Variants in ST6GALNAC3 observed in about 807,000 individuals in gnomAD.
ST6GALNAC3 encodes the protein ST6 N-acetylgalactosaminide alpha-2,6-sialyltransferase 3.
In ST6GALNAC3, 25 loss-of-function variants were observed where a neutral mutation model predicts 32.7. The ratio of observed to expected loss-of-function variants is 0.76; its 90% CI spans 0.56 to 1.07. The LOEUF (loss-of-function observed/expected upper bound fraction) is 1.07. Ranked by LOEUF, ST6GALNAC3 falls within the 50% of genes least tolerant of loss-of-function variation. The pLI is 0.00. For missense variants in ST6GALNAC3, 355 were observed against 382.4 expected (o/e 0.93, Z 0.60); for synonymous variants, 129 against 133.1 (o/e 0.97, Z 0.21).
chr1:76,564,742 C>A (rs974903714), intron 3 of ST6GALNAC3, among the ~76,000 whole-genome samples: 4 of 151,972 alleles, frequency 2.6e-5, no homozygotes, highest in Non-Finnish European at 5.9e-5. Flanking sequence ...CCCACCACCA[C>A]GCCTGGCTAA....
intron 3 of ST6GALNAC3, among the ~76,000 whole-genome samples, chr1:76,447,782 G>A (rs1232540604): frequency 6.6e-6 from 1 of 152,188 alleles, no homozygotes; most frequent in Non-Finnish European, 1.5e-5. Flanking sequence ...CGGGTGCACG[G>A]AACTCAAGAA....
intron 2 of ST6GALNAC3, among the ~76,000 whole-genome samples, chr1:76,322,180 T>A (rs1418610807): frequency 6.6e-6 from 1 of 152,084 alleles, no homozygotes; most frequent in Non-Finnish European, 1.5e-5. Context: ...GATTTGAGGG[T>A]TGAAAAAGAT....
At chr1:76,275,032 C>A (rs922515883) in intron 1 of ST6GALNAC3, among the ~76,000 whole-genome samples, 5 of 152,208 alleles carry the variant, frequency 3.3e-5, no homozygotes, top group Admixed American at 6.5e-5. Flanking sequence ...GACAGAGAAG[C>A]TGACTATGCT....
chr1:76,266,660 AT>A (rs1381808651), intron 1 of ST6GALNAC3, among the ~76,000 whole-genome samples: 1 of 152,198 alleles, frequency 6.6e-6, no homozygotes, highest in Non-Finnish European at 1.5e-5. Flanking sequence ...GCTAACTCCA[AT>A]TCTCATCTAC....
chr1:76,300,380 T>C (rs1191719893), intron 1 of ST6GALNAC3, among the ~76,000 whole-genome samples: 1 of 151,952 alleles, frequency 6.6e-6, no homozygotes, highest in African/African-American at 2.4e-5. Flanking sequence ...CTTTTTCTAG[T>C]GATACCAGCT....
intron 3 of ST6GALNAC3, among the ~76,000 whole-genome samples, chr1:76,614,218 T>A (rs1319142756): frequency 1.3e-5 from 2 of 152,216 alleles, no homozygotes; most frequent in Non-Finnish European, 2.9e-5. Flanking sequence ...GCAAGTCAGC[T>A]GTGTATAAAT....
At chr1:76,481,065 T>C (rs1203105088) in intron 3 of ST6GALNAC3, among the ~76,000 whole-genome samples, 3 of 152,158 alleles carry the variant, frequency 2.0e-5, no homozygotes, top group African/African-American at 7.2e-5. Flanking sequence ...ATTGAAAATC[T>C]CTAGTTAGGT....
chr1:76,394,789 C>A (rs1652819595), intron 2 of ST6GALNAC3, among the ~76,000 whole-genome samples: 1 of 151,970 alleles, frequency 6.6e-6, no homozygotes, highest in African/African-American at 2.4e-5. Context: ...CTCTATATTT[C>A]AGATATATGG....
chr1:76,524,255 T>C (rs1570094937), intron 3 of ST6GALNAC3, among the ~76,000 whole-genome samples: 2 of 152,160 alleles, frequency 1.3e-5, no homozygotes, highest in African/African-American at 4.8e-5. Context: ...TTTACAATCA[T>C]ATTATAATGT....
Position 76,336,595 on chromosome 1 carries a change from G to T in ST6GALNAC3, c.213+22596G>T, listed in dbSNP as rs183103335. ...CTATTAACCTCATTATATAGGTGAG[G>T]AAACTAAGTCACTAAAAGTTTAAAT... On this transcript the variant is annotated intron_variant, in intron 2 of 4. Coordinates refer to ENST00000328299, the MANE Select transcript of ST6GALNAC3 (RefSeq NM_152996.4). 8.5e-4 allele frequency among the ~76,000 whole-genome samples: 129 copies of T among 152,258 alleles called. 1 individual carries two copies. The highest frequency in any genetic ancestry group is 3.0e-3 in the African/African-American group (126 of 41,558).
chr1:76,252,633 G>A (rs1390401499), intron 1 of ST6GALNAC3, among the ~76,000 whole-genome samples: 1 of 152,012 alleles, frequency 6.6e-6, no homozygotes, highest in African/African-American at 2.4e-5. Context: ...TGCTGTCAAA[G>A]CCAATGAACG....
intron 3 of ST6GALNAC3, among the ~76,000 whole-genome samples, chr1:76,431,956 G>A (rs1316447720): frequency 6.6e-6 from 1 of 152,222 alleles, no homozygotes; most frequent in African/African-American, 2.4e-5. Flanking sequence ...TAGTTTCACT[G>A]TCCTAAAAGT....
At chr1:76,280,307 A>T (rs747781605) in intron 1 of ST6GALNAC3, among the ~76,000 whole-genome samples, 14 of 152,194 alleles carry the variant, frequency 9.2e-5, no homozygotes, top group Non-Finnish European at 1.5e-4. Flanking sequence ...TATTCTCAAA[A>T]ATATGTTGAT....
intron 3 of ST6GALNAC3, among the ~76,000 whole-genome samples, chr1:76,432,835 T>C (rs1333003951): frequency 6.6e-6 from 1 of 152,186 alleles, no homozygotes; most frequent in Non-Finnish European, 1.5e-5. Flanking sequence ...GAAGTCTTTT[T>C]CCTTCATTTG....
chr1:76,273,576 G>T (rs1022832385), intron 1 of ST6GALNAC3, among the ~76,000 whole-genome samples: 17 of 151,110 alleles, frequency 1.1e-4, no homozygotes, highest in African/African-American at 4.2e-4. Context: ...AAACTAAAAT[G>T]AAAACCATTT....
At chr1:76,279,186 G>A (rs1307982549) in intron 1 of ST6GALNAC3, among the ~76,000 whole-genome samples, 1 of 152,162 alleles carries the variant, frequency 6.6e-6, no homozygotes, top group African/African-American at 2.4e-5. Context: ...GCCAGGCAGG[G>A]GAACTGAAAT....
At chr1:76,601,663 AG>A (rs1377814292) in intron 3 of ST6GALNAC3, among the ~76,000 whole-genome samples, 2 of 152,234 alleles carry the variant, frequency 1.3e-5, no homozygotes, top group African/African-American at 4.8e-5. Flanking sequence ...CGCATTTACA[AG>A]GAGTAAACAA....
chr1:76,381,375 T>C (rs1444763906), intron 2 of ST6GALNAC3, among the ~76,000 whole-genome samples: 4 of 152,158 alleles, frequency 2.6e-5, no homozygotes, highest in Non-Finnish European at 5.9e-5. Flanking sequence ...CTCCTCGGAA[T>C]ATGACACTTA....
rs538346569 is a variant in ST6GALNAC3, at chr1:76,457,192, G to T, written c.623+44775G>T. 6.6e-5 allele frequency among the ~76,000 whole-genome samples: 10 copies of T among 150,948 alleles called. No homozygotes were observed. The South Asian group carries it at 8.3e-4, about 13-fold the overall frequency. On this transcript the variant is annotated intron_variant, in intron 3 of 4. Coordinates refer to ENST00000328299, the MANE Select transcript of ST6GALNAC3 (RefSeq NM_152996.4). The stretch of plus-strand genomic sequence containing the variant: ...AGGAGAACTACAAACCACTGCTCAA[G>T]GAAATAAAAGAGGATACAAACAAAT...
Sources: allele counts gnomAD v4.1 joint callset (sites outside exome capture counted in the v4.1 genomes callset), GRCh38; gene constraint gnomAD v4.1.1; transcripts MANE v1.5; gene names NCBI Gene and HGNC (gene_info 2026-07-23, HGNC 2026-07-21).